Variants in PLAAT1 observed in about 807,000 individuals in gnomAD.
PLAAT1 encodes the protein phospholipase A and acyltransferase 1.
PLAAT1 carries 13 observed loss-of-function variants against 16.4 expected under a neutral mutation model. The ratio of observed to expected loss-of-function variants is 0.79; its 90% confidence interval spans 0.52 to 1.26. The LOEUF is 1.26. PLAAT1 is among the 50% of genes most tolerant of loss of function. PLAAT1 has a pLI of 0.00. For missense variants in PLAAT1, 218 were observed against 207.8 expected, an observed-to-expected ratio of 1.05 and a Z score of -0.30; for synonymous variants, 73 against 78.4, an observed-to-expected ratio of 0.93 and a Z score of 0.36.
chr3:193,279,410 A>T (rs1482313543), downstream of PLAAT1: 2 of 1,613,868 alleles, frequency 1.2e-6, no homozygotes, highest in African/African-American at 2.7e-5. Context: ...AACAGAATGA[A>T]AATTGTGAGG....
At chr3:193,248,645 A>G (rs1716070357) in intron 1 of PLAAT1, among the ~76,000 whole-genome samples, 2 of 152,126 alleles carry the variant, frequency 1.3e-5, no homozygotes, top group South Asian at 2.1e-4. Context: ...ATGACAAGCT[A>G]TTTTAAGCTT....
chr3:193,261,204 C>T (rs1716571811), intron 2 of PLAAT1, among the ~76,000 whole-genome samples: 1 of 151,950 alleles, frequency 6.6e-6, no homozygotes, highest in South Asian at 2.1e-4. Flanking sequence ...CCTGTCTCTA[C>T]AAAAAATACA....
chr3:193,244,054 G>GT (rs1715880155), intron 1 of PLAAT1, among the ~76,000 whole-genome samples: 1 of 152,126 alleles, frequency 6.6e-6, no homozygotes, highest in African/African-American at 2.4e-5. Flanking sequence ...TATGTCAATA[G>GT]TTTTTTCCTT....
At chr3:193,249,436 C>T (rs1235959205) in intron 1 of PLAAT1, among the ~76,000 whole-genome samples, 5 of 152,008 alleles carry the variant, frequency 3.3e-5, no homozygotes, top group African/African-American at 1.2e-4. Flanking sequence ...TGATTTATAG[C>T]GGCTTTTGAA....
chr3:193,250,162 T>C lies in PLAAT1; in HGVS notation c.1-5489T>C, dbSNP rs552326994. Among the ~76,000 whole-genome samples the C allele has an allele frequency of 1.3e-4, 20 of 152,306 alleles. No individual in the cohort carries two copies. In the East Asian group the frequency reaches 3.7e-3, roughly 28 times the overall value. ...CTTTCCAATCAGCCTCTTCAAAGAT[T>C]GTTAGAATCCACTAACCTCTTTGTG... On this transcript the variant is annotated intron_variant, in intron 1 of 3. Transcript: ENST00000264735.
At chr3:193,261,359 C>T (rs1181687924) in intron 2 of PLAAT1, among the ~76,000 whole-genome samples, 1 of 148,614 alleles carries the variant, frequency 6.7e-6, no homozygotes, top group Non-Finnish European at 1.5e-5. Flanking sequence ...CAAAGCAAGA[C>T]TCCATAAAAA....
chr3:193,281,011 A>G (rs79766191), downstream of PLAAT1: 3,848 of 168,944 alleles, frequency 0.023, 129 homozygotes, highest in African/African-American at 0.069. Context: ...CACACCCTCA[A>G]TATTTATTCA....
At chr3:193,250,009 GTTA>G (rs1716133657) in intron 1 of PLAAT1, among the ~76,000 whole-genome samples, 1 of 151,906 alleles carries the variant, frequency 6.6e-6, no homozygotes, top group Non-Finnish European at 1.5e-5. Flanking sequence ...AATTTATCTT[GTTA>G]TTTTATTTGG....
At chr3:193,253,950 C>T (rs1031285918) in intron 1 of PLAAT1, among the ~76,000 whole-genome samples, 1 of 152,040 alleles carries the variant, frequency 6.6e-6, no homozygotes, top group Non-Finnish European at 1.5e-5. Context: ...TTATTTTATA[C>T]TTTGGCTGCA....
upstream of PLAAT1, chr3:193,241,219 A>G (rs888609037): frequency 9.0e-6 from 11 of 1,223,340 alleles, no homozygotes; most frequent in South Asian, 2.1e-4. Context: ...GCGGCTCCCC[A>G]TGGTCAGAGC....
intron 2 of PLAAT1, among the ~76,000 whole-genome samples, chr3:193,261,963 A>G (rs1284976075): frequency 6.6e-6 from 1 of 152,210 alleles, no homozygotes; most frequent in Admixed American, 6.5e-5. Flanking sequence ...AGGAGGACAG[A>G]CAGAAGGATA....
intron 2 of PLAAT1, among the ~76,000 whole-genome samples, chr3:193,259,118 C>A (rs1421724144): frequency 2.0e-5 from 3 of 152,130 alleles, no homozygotes; most frequent in African/African-American, 7.2e-5. Context: ...AAATATGATT[C>A]ACCACATAAA....
At chr3:193,245,242 C>T (rs1262610467) in intron 1 of PLAAT1, among the ~76,000 whole-genome samples, 1 of 152,134 alleles carries the variant, frequency 6.6e-6, no homozygotes, top group Non-Finnish European at 1.5e-5. Flanking sequence ...CCTCTGTACT[C>T]TATTTCTATG....
At chr3:193,246,469 C>T (rs1715990038) in intron 1 of PLAAT1, among the ~76,000 whole-genome samples, 1 of 152,148 alleles carries the variant, frequency 6.6e-6, no homozygotes, top group African/African-American at 2.4e-5. Flanking sequence ...CGAGCTCAAG[C>T]TGTCCTCTCA....
intron 3 of PLAAT1, among the ~76,000 whole-genome samples, chr3:193,270,233 T>C (rs1716939245): frequency 6.6e-6 from 1 of 152,186 alleles, no homozygotes; most frequent in South Asian, 2.1e-4. Context: ...CTTCGTGGAA[T>C]GATCTCAGGC....
chr3:193,263,500 C>CT lies in PLAAT1; in HGVS notation c.405+272dup, dbSNP rs200752893. On this transcript the variant is annotated intron_variant, in intron 3 of 3. Transcript: ENST00000264735. ...TCTGTCAATCTTACTGCCTTTTAGT[C>CT]TTTTTTTCCTGTTACTTCACCATAC... Among the ~76,000 whole-genome samples, 1,291 of 152,008 alleles carry CT rather than the reference C, an allele frequency of 8.5e-3. 21 individuals are homozygous for CT. Among genetic ancestry groups the CT allele is most frequent in the African/African-American group, 0.03 (1,239 of 41,448 alleles).
chr3:193,279,717 C>A (rs141536762), downstream of PLAAT1, among the ~76,000 whole-genome samples: 62 of 152,224 alleles, frequency 4.1e-4, no homozygotes, highest in African/African-American at 1.5e-3. Context: ...CCCTGGTGCA[C>A]TATCACTGCG....
At chr3:193,243,011 G>T (rs933714423) in intron 1 of PLAAT1, among the ~76,000 whole-genome samples, 5 of 152,196 alleles carry the variant, frequency 3.3e-5, no homozygotes, top group Non-Finnish European at 7.3e-5. Context: ...GTCCCTATCG[G>T]CAGGGAACAT....
At chr3:193,264,610 TCTC>T (rs747583970) in intron 3 of PLAAT1, among the ~76,000 whole-genome samples, 9 of 152,142 alleles carry the variant, frequency 5.9e-5, no homozygotes, top group African/African-American at 1.9e-4. Context: ...TTCAGGCTAT[TCTC>T]CTGCTTCAGC....
Sources: allele counts gnomAD v4.1 joint callset (sites outside exome capture counted in the v4.1 genomes callset), GRCh38; gene constraint gnomAD v4.1.1; transcripts MANE v1.5; gene names NCBI Gene and HGNC (gene_info 2026-07-23, HGNC 2026-07-21).